The following ANXA8 variants were observed in gnomAD, a reference collection of about 807,000 sequenced individuals.
ANXA8 encodes the protein annexin A8.
ANXA8 carries 9 observed loss-of-function variants against 26.8 expected under a neutral mutation model. The observed-to-expected ratio is 0.34, with a 90% CI of 0.20 to 0.59. ANXA8 has a LOEUF of 0.59. ANXA8 is among the 20% of genes least tolerant of loss of function. ANXA8 has a pLI of 0.84. For missense variants in ANXA8, 83 were observed against 238.5 expected (o/e 0.35, Z 4.29); for synonymous variants, 39 against 94.8 (o/e 0.41, Z 3.42).
At chr10:47,469,486 GT>G (rs1481465117) in intron 11 of ANXA8, among the ~76,000 whole-genome samples, 2 of 151,246 alleles carry the variant, frequency 1.3e-5, no homozygotes, top group East Asian at 3.9e-4. Context: ...AGGCGAGCTG[GT>G]CTGCCCTGCA....
At chr10:47,937,032 A>T in the ANXA8 span, among the ~76,000 whole-genome samples, 1 of 149,876 alleles carries the variant, frequency 6.7e-6, no homozygotes, top group East Asian at 1.9e-4. Context: ...CGGAGTTCTG[A>T]GGAAGGCAGG....
At chr10:47,572,541 C>T in the ANXA8 span, among the ~76,000 whole-genome samples, 3 of 151,016 alleles carry the variant, frequency 2.0e-5, no homozygotes, top group Admixed American at 6.6e-5. Context: ...CATGGTGAAA[C>T]CCCGTCTCCA....
chr10:47,765,156 ATTAAC>A, the ANXA8 span, among the ~76,000 whole-genome samples: 2 of 147,108 alleles, frequency 1.4e-5, no homozygotes, highest in Non-Finnish European at 3.0e-5. Context: ...TCTCAAGATC[ATTAAC>A]TTAATCACAC....
the ANXA8 span, among the ~76,000 whole-genome samples, chr10:47,939,468 T>A: frequency 2.1e-5 from 3 of 144,952 alleles, no homozygotes; most frequent in East Asian, 6.4e-4. Context: ...GTCCCTCATA[T>A]GCCAGGCTTT....
the ANXA8 span, among the ~76,000 whole-genome samples, chr10:47,685,691 G>C: frequency 2.6e-5 from 4 of 151,292 alleles, no homozygotes; most frequent in African/African-American, 7.3e-5. Context: ...GTGTGGAATG[G>C]AAAGAGGTGG....
chr10:47,533,289 AG>A, the ANXA8 span, among the ~76,000 whole-genome samples: 1 of 144,016 alleles, frequency 6.9e-6, no homozygotes, highest in East Asian at 2.4e-4. Context: ...GAGAGCAGAA[AG>A]CCTCCCAGGG....
chr10:47,941,455 G>T, the ANXA8 span, among the ~76,000 whole-genome samples: 1 of 146,706 alleles, frequency 6.8e-6, no homozygotes, highest in African/African-American at 2.6e-5. Context: ...AGGAGTTTGA[G>T]ATCAGCCTGG....
chr10:47,671,527 A>G, the ANXA8 span, among the ~76,000 whole-genome samples: 1 of 151,988 alleles, frequency 6.6e-6, no homozygotes, highest in Non-Finnish European at 1.5e-5. Flanking sequence ...TTGTTATAGT[A>G]TTTTATTGAG....
the ANXA8 span, among the ~76,000 whole-genome samples, chr10:47,645,197 T>C: frequency 6.7e-6 from 1 of 149,874 alleles, no homozygotes; most frequent in South Asian, 2.1e-4. Context: ...ATCTGAAAAA[T>C]TTGACCAGAA....
At chr10:47,493,736 C>A in the ANXA8 span, among the ~76,000 whole-genome samples, 3 of 150,766 alleles carry the variant, frequency 2.0e-5, no homozygotes, top group South Asian at 2.1e-4. Context: ...TGCCCTTCCC[C>A]CCACCCCCTC....
the ANXA8 span, among the ~76,000 whole-genome samples, chr10:47,526,229 C>T: frequency 7.8e-6 from 1 of 127,528 alleles, no homozygotes; most frequent in African/African-American, 3.2e-5. Context: ...CTAAGCCTCC[C>T]AAGTAGCTGG....
chr10:47,944,597 C>T, the ANXA8 span, among the ~76,000 whole-genome samples: 103 of 150,580 alleles, frequency 6.8e-4, 12 homozygotes, highest in East Asian at 0.014. Context: ...GCAGGTCTTT[C>T]CCATACTGTT....
At chr10:47,495,284 TTATTATTA>T in the ANXA8 span, among the ~76,000 whole-genome samples, 8 of 111,038 alleles carry the variant, frequency 7.2e-5, no homozygotes, top group South Asian at 1.7e-3. Flanking sequence ...ATTATTATTA[TTATTATTA>T]TTATTATTTT....
chr10:47,748,676 G>T, the ANXA8 span, among the ~76,000 whole-genome samples: 35 of 152,172 alleles, frequency 2.3e-4, no homozygotes, highest in South Asian at 1.0e-3. Flanking sequence ...TTTTGTAGAG[G>T]GGGGGGATCT....
At chr10:47,943,715 C>T in the ANXA8 span, among the ~76,000 whole-genome samples, 1 of 151,294 alleles carries the variant, frequency 6.6e-6, no homozygotes, top group Non-Finnish European at 1.5e-5. Context: ...ATCCCCAGGC[C>T]TTGCCCTCTG....
chr10:47,686,719 C>CA, the ANXA8 span, among the ~76,000 whole-genome samples: 1 of 151,766 alleles, frequency 6.6e-6, no homozygotes, highest in Non-Finnish European at 1.5e-5. Flanking sequence ...CTCACAGAGT[C>CA]AAAAAAGCGG....
the ANXA8 span, among the ~76,000 whole-genome samples, chr10:47,733,197 CTTTCTTTCTTTCTTTCTTTCTT>C: frequency 7.3e-5 from 8 of 109,722 alleles, no homozygotes; most frequent in African/African-American, 2.4e-4. Context: ...TTCTTTCTTT[CTTTCTTTCTTTCTTTCTTTCTT>C]TCTCTTTCTT....
the ANXA8 span, among the ~76,000 whole-genome samples, chr10:47,610,769 G>C: frequency 6.9e-6 from 1 of 145,820 alleles, no homozygotes; most frequent in Non-Finnish European, 1.5e-5. Context: ...TTATTCTGTA[G>C]ATTGAGATTT....
At chr10:47,507,116 A>G in the ANXA8 span, among the ~76,000 whole-genome samples, 1 of 139,836 alleles carries the variant, frequency 7.2e-6, no homozygotes, top group Admixed American at 7.4e-5. Flanking sequence ...TACTGTTCTC[A>G]AGGAATATTT....
Sources: gnomAD v4.1 joint callset for allele counts (sites outside exome capture counted in the v4.1 genomes callset) on GRCh38, gnomAD v4.1.1 for gene constraint, MANE v1.5 for transcripts, NCBI Gene and HGNC (gene_info 2026-07-23, HGNC 2026-07-21) for gene names.